Variants in FRAS1 observed in about 807,000 individuals in gnomAD.
FRAS1 encodes the protein Fraser extracellular matrix complex subunit 1, also known as extracellular matrix organizing protein FRAS1.
Under a neutral mutation model 435.2 loss-of-function variants are expected in FRAS1, and 290 were observed. The ratio of observed to expected loss-of-function variants is 0.67; its 90% CI spans 0.61 to 0.73. The LOEUF is 0.73. Ranked by LOEUF, FRAS1 falls within the 30% of genes least tolerant of loss-of-function variation. FRAS1 has a pLI of 0.00. For missense variants in FRAS1, 4,860 were observed against 5,001.5 expected, an observed-to-expected ratio of 0.97 and a Z score of 0.85; for synonymous variants, 1,800 against 1,851.0, an observed-to-expected ratio of 0.97 and a Z score of 0.71.
intron 61 of FRAS1, among the ~76,000 whole-genome samples, chr4:78,504,553 T>C (rs969545806): frequency 6.6e-6 from 1 of 152,196 alleles, no homozygotes; most frequent in Non-Finnish European, 1.5e-5. Context: ...CCTGCTTTTT[T>C]TCTTTTGCTT....
At chr4:78,431,055 T>G (rs1734201922) in intron 37 of FRAS1, among the ~76,000 whole-genome samples, 1 of 152,240 alleles carries the variant, frequency 6.6e-6, no homozygotes, top group Non-Finnish European at 1.5e-5. Flanking sequence ...AATATTATCC[T>G]TTTCAAAGTA....
intron 34 of FRAS1, among the ~76,000 whole-genome samples, chr4:78,422,268 AT>A (rs1213584471): frequency 6.6e-6 from 1 of 151,054 alleles, no homozygotes; most frequent in Non-Finnish European, 1.5e-5. Flanking sequence ...GGCCTTGGAG[AT>A]ACAGTGGCAA....
intron 2 of FRAS1, among the ~76,000 whole-genome samples, chr4:78,207,080 C>T (rs1723290700): frequency 2.0e-5 from 3 of 152,204 alleles, no homozygotes; most frequent in Non-Finnish European, 2.9e-5. Context: ...CACCAAAGGA[C>T]TGCAGTGAAT....
intron 29 of FRAS1, among the ~76,000 whole-genome samples, chr4:78,394,245 T>C (rs921771066): frequency 3.9e-5 from 6 of 152,018 alleles, no homozygotes; most frequent in African/African-American, 1.2e-4. Context: ...TTTTTGCTTT[T>C]ATTTCCCGTG....
intron 2 of FRAS1, among the ~76,000 whole-genome samples, chr4:78,175,188 G>C (rs533341152): frequency 1.3e-5 from 2 of 152,324 alleles, no homozygotes; most frequent in East Asian, 1.9e-4. Context: ...GGGGCGGGGA[G>C]CAAGATTTAC....
chr4:78,540,488 G>A, intron 73 of FRAS1, 43 bp from the exon 74 acceptor site: 1 of 1,291,328 alleles, frequency 7.7e-7, no homozygotes, highest in Non-Finnish European at 1.1e-6. Context: ...CTTCAGAGGT[G>A]GTCTGTGGGC....
chr4:78,392,092 A>G (rs1255815773), intron 29 of FRAS1, among the ~76,000 whole-genome samples: 1 of 152,142 alleles, frequency 6.6e-6, no homozygotes. Context: ...ACATGGAGCA[A>G]GGGTTCTATA....
intron 2 of FRAS1, among the ~76,000 whole-genome samples, chr4:78,083,430 G>A (rs945997280): frequency 2.0e-5 from 3 of 152,110 alleles, no homozygotes; most frequent in East Asian, 1.9e-4. Context: ...TACTTTATCA[G>A]GAGACCTGGC....
chr4:78,273,053 G>A (rs1329153930), intron 9 of FRAS1, among the ~76,000 whole-genome samples: 1 of 152,060 alleles, frequency 6.6e-6, no homozygotes. Context: ...GGATTCCTAG[G>A]TATTTTATTC....
intron 15 of FRAS1, among the ~76,000 whole-genome samples, chr4:78,309,188 C>A (rs1289479732): frequency 1.3e-5 from 2 of 152,180 alleles, no homozygotes; most frequent in Non-Finnish European, 2.9e-5. Context: ...GAAACAGATT[C>A]CACCCCTGGA....
chr4:78,418,914 C>A, intron 32 of FRAS1, 35 bp from the exon 33 acceptor site: 1 of 1,288,872 alleles, frequency 7.8e-7, no homozygotes, highest in Non-Finnish European at 1.1e-6. Flanking sequence ...GTTTTTCATA[C>A]CATGTGTTCC....
At chr4:78,112,218 T>G (rs555151846) in intron 2 of FRAS1, among the ~76,000 whole-genome samples, 11 of 152,222 alleles carry the variant, frequency 7.2e-5, no homozygotes, top group Admixed American at 3.9e-4. Flanking sequence ...AGTAATAACA[T>G]TATTTTACCA....
intron 6 of FRAS1, among the ~76,000 whole-genome samples, chr4:78,260,372 A>G (rs1726026390): frequency 6.6e-6 from 1 of 151,964 alleles, no homozygotes; most frequent in South Asian, 2.1e-4. Flanking sequence ...GTCCTCTTTT[A>G]TTTCATCGAT....
intron 2 of FRAS1, among the ~76,000 whole-genome samples, chr4:78,202,708 A>G (rs1466204831): frequency 6.6e-6 from 1 of 152,176 alleles, no homozygotes; most frequent in Non-Finnish European, 1.5e-5. Flanking sequence ...AAAAAAAATC[A>G]GTTTTCTGGA....
intron 29 of FRAS1, among the ~76,000 whole-genome samples, chr4:78,388,121 C>T (rs1732293030): frequency 6.6e-6 from 1 of 151,492 alleles, no homozygotes; most frequent in African/African-American, 2.4e-5. Context: ...GTCAGGAGAT[C>T]AAGACCATCC....
Position 78,473,490 on chromosome 4 carries a change from T to A in FRAS1, c.7575T>A (p.Arg2525=), listed in dbSNP as rs1210108670. The A allele has an allele frequency of 5.0e-6, 8 of 1,613,384 alleles. No homozygotes were observed. Among genetic ancestry groups the A allele is most frequent in the Non-Finnish European group, 6.8e-6 (8 of 1,179,510 alleles). ...IRYVLHKEKI[R]EMMDSFQFLV... ...ATGTGTTGCACAAGGAGAAGATCCGTGAGATGATGGATAGTTTTCAGTTTC... is the reference window on the plus strand; with the variant it reads ...ATGTGTTGCACAAGGAGAAGATCCGAGAGATGATGGATAGTTTTCAGTTTC... The change falls in exon 53 of 74, where the codon CGT becomes CGA. Residue 2525 remains arginine, a synonymous_variant. Transcript: ENST00000512123.
In FRAS1 at chr4:78,464,130, T is replaced by C. The variant is rs202117534; in HGVS notation, c.6873T>C (p.Ser2291=). Residue 2291 remains serine (S), a synonymous_variant, in exon 48 of 74, where the codon TCT becomes TCC. Coordinates refer to ENST00000512123, the MANE Select transcript of FRAS1 (RefSeq NM_025074.7). Reference sequence around the variant, plus strand: ...CAGATGCCTTCAGCTTTACACTGTCTGATGGAGTCAGTGAGGTAGGTGAGG... The same window carrying C: ...CAGATGCCTTCAGCTTTACACTGTCCGATGGAGTCAGTGAGGTAGGTGAGG... The part of the protein sequence containing the change: ...KHSDAFSFTL[S]DGVSEVTQTF... The C allele has an allele frequency of 1.2e-6, 2 of 1,610,764 alleles. No individual in the cohort carries two copies. Among genetic ancestry groups the C allele is most frequent in the Non-Finnish European group, 1.7e-6 (2 of 1,179,086 alleles).
chr4:78,095,036 A>G (rs929403816), intron 2 of FRAS1, among the ~76,000 whole-genome samples: 1 of 152,250 alleles, frequency 6.6e-6, no homozygotes, highest in African/African-American at 2.4e-5. Flanking sequence ...CACTCTTCCC[A>G]GGACTGGCCC....
intron 2 of FRAS1, among the ~76,000 whole-genome samples, chr4:78,228,451 A>G (rs926847425): frequency 2.6e-5 from 4 of 152,194 alleles, no homozygotes; most frequent in Non-Finnish European, 5.9e-5. Context: ...ACTGGGTGTA[A>G]ACAACAGACA....
Sources: gnomAD v4.1 joint callset for allele counts (sites outside exome capture counted in the v4.1 genomes callset) on GRCh38, gnomAD v4.1.1 for gene constraint, MANE v1.5 for transcripts, NCBI Gene and HGNC (gene_info 2026-07-23, HGNC 2026-07-21) for gene names.